ROR1: variants seen among roughly 807,000 people sequenced by gnomAD.
The protein encoded by ROR1 is inactive tyrosine-protein kinase transmembrane receptor ROR1.
ROR1 carries 19 observed loss-of-function variants against 78.8 expected under a neutral mutation model. The ratio of observed to expected loss-of-function variants is 0.24; its 90% CI spans 0.17 to 0.35. The LOEUF is 0.35. Ranked by LOEUF, ROR1 falls within the 10% of genes least tolerant of loss-of-function variation. The pLI, the probability that ROR1 is intolerant of heterozygous loss-of-function variation, is 1.00. For synonymous variants in ROR1, 386 were observed against 433.6 expected (o/e 0.89, Z 1.36); for missense variants, 917 against 1,177.8 (o/e 0.78, Z 3.24).
At chr1:64,024,213 G>T (rs1434180822) in intron 2 of ROR1, among the ~76,000 whole-genome samples, 1 of 152,158 alleles carries the variant, frequency 6.6e-6, no homozygotes, top group Admixed American at 6.5e-5. Flanking sequence ...GGGCGCAGTG[G>T]CTCATGCCTG....
Position 64,178,617 on chromosome 1 carries a change from C to T in ROR1, c.2576C>T (p.Ala859Val). 2 of 1,614,168 alleles carry T rather than the reference C, an allele frequency of 1.2e-6. No individual in the cohort carries two copies. Among genetic ancestry groups the T allele is most frequent in the Non-Finnish European group, 1.7e-6 (2 of 1,180,040 alleles). Residue 859 changes from alanine (A) to valine (V), a missense_variant, in exon 9 of 9, where the codon GCC (alanine) becomes GTC (valine). Around this residue, in one of 3 missense-constraint regions of ROR1, gnomAD observed 835 missense variants for 1,069.8 expected, o/e 0.78. Transcript: ENST00000371079. The surrounding 1 kb of genome is among the most constrained non-coding windows in gnomAD (Gnocchi z 4.3). Reference sequence around the variant, plus strand: ...CCCAAGAGTCGGTCCCCAAGCAGTGCCAGTGGGTCGACTAGCACTGGCCAT... The same window carrying T: ...CCCAAGAGTCGGTCCCCAAGCAGTGTCAGTGGGTCGACTAGCACTGGCCAT... Reference protein sequence around the residue: ...PPPKSRSPSSASGSTSTGHVT... With the variant: ...PPPKSRSPSSVSGSTSTGHVT...
chr1:64,171,749 C>T (rs570795819), intron 8 of ROR1, among the ~76,000 whole-genome samples: 139 of 152,332 alleles, frequency 9.1e-4, no homozygotes, highest in Admixed American at 6.9e-3. Context: ...CGATTCCCTG[C>T]ACCCTAATGT....
rs549229627 is a variant in ROR1 at position 63,780,718 on chromosome 1, G to A, written c.91+6210G>A. Among the ~76,000 whole-genome samples the A allele has an allele frequency of 7.9e-5, 12 of 152,190 alleles. No individual in the cohort carries two copies. The East Asian group carries it at 9.6e-4, about 12-fold the overall frequency. ...GAGCAGTACCCAGGCCAGTGCTGGG[G>A]ACCTGGATGGAAGGGATTCCACAGT... On this transcript the variant is annotated intron_variant, in intron 1 of 8. Coordinates refer to ENST00000371079, the MANE Select transcript of ROR1 (RefSeq NM_005012.4).
intron 1 of ROR1, among the ~76,000 whole-genome samples, chr1:63,792,707 C>A (rs551546656): frequency 3.3e-5 from 5 of 152,328 alleles, no homozygotes; most frequent in South Asian, 2.1e-4. Flanking sequence ...TATTCTTCTT[C>A]TTATTACGCC....
intron 1 of ROR1, among the ~76,000 whole-genome samples, chr1:63,952,281 C>G (rs192246418): frequency 2.6e-5 from 4 of 151,670 alleles, no homozygotes; most frequent in African/African-American, 9.8e-5. Context: ...CAAACAGGAA[C>G]ATGCTGGGCC....
chr1:64,060,877 C>G (rs1011323037), intron 4 of ROR1, among the ~76,000 whole-genome samples: 4 of 152,174 alleles, frequency 2.6e-5, no homozygotes, highest in Non-Finnish European at 5.9e-5. Context: ...CAATCCACCC[C>G]CATCACTCAA....
Position 63,795,263 on chromosome 1 carries a change from A to T in ROR1, c.91+20755A>T, listed in dbSNP as rs147715947. Among the ~76,000 whole-genome samples, 56 of 152,296 alleles carry T rather than the reference A, an allele frequency of 3.7e-4. 1 individual carries two copies. The East Asian group carries it at 0.01, about 28-fold the overall frequency. On this transcript the variant is annotated intron_variant, in intron 1 of 8. Coordinates refer to ENST00000371079, the MANE Select transcript of ROR1 (RefSeq NM_005012.4). ...CGGAGGTTCCCTCTTGCAAGGGGAA[A>T]AATTGGCTGTGCCTTTAAGTGTTAT... is the stretch of plus-strand genomic sequence containing the variant.
intron 1 of ROR1, among the ~76,000 whole-genome samples, chr1:63,793,972 C>T (rs1644742755): frequency 6.6e-6 from 1 of 152,144 alleles, no homozygotes; most frequent in African/African-American, 2.4e-5. Context: ...TTGTGTGCAC[C>T]TAGGATTAGA....
At chr1:63,963,334 G>A (rs865834002) in intron 1 of ROR1, among the ~76,000 whole-genome samples, 2 of 144,148 alleles carry the variant, frequency 1.4e-5, no homozygotes, top group Non-Finnish European at 1.5e-5. Flanking sequence ...TTAGGAGGCC[G>A]AGGTGGGTGG....
At chr1:63,974,128 A>G (rs1296050148) in intron 1 of ROR1, among the ~76,000 whole-genome samples, 1 of 152,236 alleles carries the variant, frequency 6.6e-6, no homozygotes, top group Non-Finnish European at 1.5e-5. Flanking sequence ...GGTAACAAAC[A>G]TTGTGAGGGT....
chr1:63,985,300 A>C (rs1277965661), intron 1 of ROR1, among the ~76,000 whole-genome samples: 1 of 152,170 alleles, frequency 6.6e-6, no homozygotes, highest in African/African-American at 2.4e-5. Context: ...GCTTCAATGC[A>C]ACAAACTGGG....
At chr1:64,156,268 ATTCAGAGGT>A (rs1350651430) in intron 7 of ROR1, among the ~76,000 whole-genome samples, 2 of 152,228 alleles carry the variant, frequency 1.3e-5, no homozygotes, top group Non-Finnish European at 2.9e-5. Context: ...AAAAGGCATT[ATTCAGAGGT>A]TTCTGACTTG....
chr1:63,835,279 T>C (rs993104904), intron 1 of ROR1, among the ~76,000 whole-genome samples: 8 of 152,206 alleles, frequency 5.3e-5, no homozygotes, highest in African/African-American at 7.2e-5. Context: ...GAAAACATCA[T>C]GCAAACCATC....
chr1:63,906,763 T>A (rs182828708), intron 1 of ROR1, among the ~76,000 whole-genome samples: 5 of 152,362 alleles, frequency 3.3e-5, no homozygotes, highest in Non-Finnish European at 5.9e-5. Flanking sequence ...AGTTTTATTT[T>A]AAGTTTCTGA....
intron 1 of ROR1, among the ~76,000 whole-genome samples, chr1:63,829,823 A>G (rs563191711): frequency 1.3e-5 from 2 of 152,228 alleles, no homozygotes; most frequent in African/African-American, 4.8e-5. Flanking sequence ...ACTTGGTCTG[A>G]CTTTCATTTT....
Position 64,178,250 on chromosome 1 carries a change from C to A in ROR1, c.2209C>A (p.Pro737Thr), listed in dbSNP as rs777518583. The change falls in exon 9 of 9, where the codon CCA becomes ACA. Residue 737 changes from proline (P) to threonine (T), a missense_variant. By Grantham distance (38) the Pro-to-Thr change is conservative. Around this residue, in one of 3 missense-constraint regions of ROR1, gnomAD observed 835 missense variants for 1,069.8 expected, o/e 0.78. Transcript: ENST00000371079. This position sits in a 1 kb window ranked among gnomAD's most constrained non-coding sequence, Gnocchi z 4.3. ...ECWNEIPSRR[P>T]RFKDIHVRLR... ...CTGGAATGAGATTCCTTCTAGGAGA[C>A]CAAGATTTAAAGATATTCACGTCCG... 5 of 1,614,070 alleles carry A rather than the reference C, an allele frequency of 3.1e-6. No homozygotes were observed. Among genetic ancestry groups the A allele is most frequent in the Non-Finnish European group, 4.2e-6 (5 of 1,180,012 alleles).
chr1:63,992,874 C>A (rs1476487736), intron 1 of ROR1, among the ~76,000 whole-genome samples: 1 of 152,150 alleles, frequency 6.6e-6, no homozygotes, highest in African/African-American at 2.4e-5. Context: ...CTTCCTGCCT[C>A]TTCTTCCTGC....
At chr1:63,878,674 T>G (rs766463071) in intron 1 of ROR1, among the ~76,000 whole-genome samples, 1 of 152,168 alleles carries the variant, frequency 6.6e-6, no homozygotes, top group Non-Finnish European at 1.5e-5. Context: ...TCTTTCATCC[T>G]TCCCTCTTTC....
chr1:63,982,900 T>C (rs759279449), intron 1 of ROR1, among the ~76,000 whole-genome samples: 2 of 152,178 alleles, frequency 1.3e-5, no homozygotes, highest in African/African-American at 2.4e-5. Flanking sequence ...TGCTTTAGTT[T>C]TCTTGTTGGT....
Sources: allele counts gnomAD v4.1 joint callset (sites outside exome capture counted in the v4.1 genomes callset), GRCh38; gene constraint gnomAD v4.1.1; regional missense constraint gnomAD v4.1.1; non-coding constraint Gnocchi (gnomAD v3.1); transcripts MANE v1.5; gene names NCBI Gene and HGNC (gene_info 2026-07-23, HGNC 2026-07-21).